Variants in RALGAPA2 observed in about 807,000 individuals in gnomAD.
The protein encoded by RALGAPA2 is Ral GTPase activating protein catalytic subunit alpha 2, also known as ral GTPase-activating protein subunit alpha-2.
In RALGAPA2, 139 loss-of-function variants were observed where a neutral mutation model predicts 230.4. The ratio of observed to expected loss-of-function variants is 0.60; its 90% confidence interval spans 0.53 to 0.69. RALGAPA2 has a LOEUF of 0.69. Ranked by LOEUF, RALGAPA2 falls within the 30% of genes least tolerant of loss-of-function variation. The pLI is 0.00. For synonymous variants in RALGAPA2, 847 were observed against 837.8 expected (o/e 1.01, Z -0.19); for missense variants, 2,163 against 2,276.0 (o/e 0.95, Z 1.01).
chr20:20,609,560 G>A (rs1414930886), intron 14 of RALGAPA2, among the ~76,000 whole-genome samples: 3 of 151,858 alleles, frequency 2.0e-5, no homozygotes, highest in Non-Finnish European at 2.9e-5. Flanking sequence ...AAAAAAATCC[G>A]AACCCCAGAA....
chr20:20,392,391 AG>A lies in RALGAPA2; in HGVS notation c.*897del, dbSNP rs1318182917. ...GCAGCGTGAGGCTTTTGGAGGCACA[AG>A]GCCATTCGGGGGGTACCCGTCTCAG... On this transcript the variant is annotated 3_prime_UTR_variant, in exon 40 of 40. Coordinates refer to ENST00000202677, the MANE Select transcript of RALGAPA2 (RefSeq NM_020343.4). 6.6e-6 allele frequency: 1 copy of A among 152,248 alleles called. No homozygotes were observed. Among genetic ancestry groups the A allele is most frequent in the East Asian group, 1.9e-4 (1 of 5,190 alleles). 9.4% of individuals were successfully genotyped at this position (152,248 alleles called of 1,614,324 possible).
At chr20:20,491,601 T>C (rs943445959) in intron 36 of RALGAPA2, among the ~76,000 whole-genome samples, 3 of 152,236 alleles carry the variant, frequency 2.0e-5, no homozygotes, top group African/African-American at 7.2e-5. Flanking sequence ...GAATCACTTT[T>C]CTGAAGAACA....
intron 37 of RALGAPA2, among the ~76,000 whole-genome samples, chr20:20,458,969 A>G (rs1186391680): frequency 6.6e-6 from 1 of 151,018 alleles, no homozygotes; most frequent in African/African-American, 2.4e-5. Flanking sequence ...TGTCAACAGG[A>G]ACCTTCATAG....
intron 16 of RALGAPA2, among the ~76,000 whole-genome samples, chr20:20,594,536 T>C (rs1299072114): frequency 6.6e-6 from 1 of 152,118 alleles, no homozygotes; most frequent in African/African-American, 2.4e-5. Flanking sequence ...CCTAGATCTA[T>C]TGCATTTTCT....
rs558003584 is a variant in RALGAPA2 at position 20,461,972 on chromosome 20, T to C, written c.5495+10857A>G. ...AGGCAGCCCCTTCATTGGTGTTGGA[T>C]TAAGGACCAAAGCTTTGTGCTGGAG... is the stretch of plus-strand genomic sequence containing the variant. On this transcript the variant is annotated intron_variant, in intron 37 of 39. Coordinates refer to ENST00000202677, the MANE Select transcript of RALGAPA2 (RefSeq NM_020343.4). 2.7e-5 allele frequency among the ~76,000 whole-genome samples: 4 copies of C among 150,448 alleles called. No individual in the cohort carries two copies. The South Asian group carries it at 8.4e-4, about 31-fold the overall frequency.
chr20:20,488,945 A>G (rs1285717219), intron 36 of RALGAPA2, among the ~76,000 whole-genome samples: 1 of 152,178 alleles, frequency 6.6e-6, no homozygotes, highest in Non-Finnish European at 1.5e-5. Flanking sequence ...GCTGGGCATT[A>G]ACCAAATCTG....
At chr20:20,576,910 T>A (rs1472270372) in intron 20 of RALGAPA2, among the ~76,000 whole-genome samples, 1 of 152,174 alleles carries the variant, frequency 6.6e-6, no homozygotes, top group African/African-American at 2.4e-5. Flanking sequence ...CAAAGAACAA[T>A]TTTTAGTTGT....
Position 20,390,851 on chromosome 20 carries a change from ACT to A in RALGAPA2, c.*2436_*2437del, listed in dbSNP as rs986820795. 6.6e-6 allele frequency: 1 copy of A among 151,328 alleles called. No individual in the cohort carries two copies. The highest frequency in any genetic ancestry group is 2.4e-5 in the African/African-American group (1 of 41,140). 9.4% of individuals were successfully genotyped at this position (151,328 alleles called of 1,614,324 possible). On this transcript the variant is annotated 3_prime_UTR_variant, in exon 40 of 40. Transcript: ENST00000202677. ...CTACTGAGAATGGCAGGCTCAAAAA[ACT>A]CTAGTCACCAAACTGCTGGCTGTCA...
chr20:20,511,371 C>G (rs2062700417), intron 32 of RALGAPA2, 46 bp from the exon 33 acceptor site: 1 of 1,517,622 alleles, frequency 6.6e-7, no homozygotes, highest in Non-Finnish European at 8.8e-7. Flanking sequence ...ATTACAGAAC[C>G]ATTTTGCCGC....
rs372892121 is a variant in RALGAPA2 at position 20,637,316 on chromosome 20, T to C, written c.805+47A>G. The C allele has an allele frequency of 1.6e-5, 23 of 1,449,132 alleles. No homozygotes were observed. In the East Asian group the frequency reaches 3.9e-4, roughly 25 times the overall value. 89.8% of individuals were successfully genotyped at this position (1,449,132 alleles called of 1,614,324 possible). A position where few individuals can be genotyped will look rare whatever the true frequency, so the allele number is the denominator to read the frequency against. On this transcript the variant is annotated intron_variant, in intron 8 of 39. Transcript: ENST00000202677. ...AAAGGTCACTTTGAAAGAGACTGCA[T>C]AGCTTTCCTTTGGATATCCTCTATA...
intron 7 of RALGAPA2, 33 bp from the exon 8 acceptor site, chr20:20,637,534 T>A: frequency 6.6e-7 from 1 of 1,506,208 alleles, no homozygotes; most frequent in South Asian, 1.3e-5. Context: ...AACATATGTA[T>A]ATTTATATTT....
At chr20:20,513,346 CT>C (rs141952738) in intron 31 of RALGAPA2, 62 bp from the exon 32 acceptor site, 201 of 912,112 alleles carry the variant, frequency 2.2e-4, no homozygotes, top group South Asian at 2.9e-4. Flanking sequence ...AACTCAACAC[CT>C]TTTTTTTGGG....
intron 9 of RALGAPA2, 31 bp downstream of exon 9, chr20:20,635,387 T>A: frequency 1.3e-6 from 2 of 1,541,740 alleles, no homozygotes; most frequent in Non-Finnish European, 1.8e-6. Context: ...TACACAAGCA[T>A]TAACAGATAA....
intron 23 of RALGAPA2, among the ~76,000 whole-genome samples, chr20:20,570,108 T>C (rs2064577484): frequency 6.6e-6 from 1 of 152,176 alleles, no homozygotes; most frequent in Non-Finnish European, 1.5e-5. Context: ...TACTTTGTGT[T>C]CCTATTTCTA....
chr20:20,421,213 A>G (rs1447668084), intron 37 of RALGAPA2, among the ~76,000 whole-genome samples: 1 of 152,246 alleles, frequency 6.6e-6, no homozygotes, highest in Non-Finnish European at 1.5e-5. Flanking sequence ...GATGCTCAAC[A>G]CCACAAGTCA....
chr20:20,628,607 T>C (rs1294784111), intron 10 of RALGAPA2, among the ~76,000 whole-genome samples: 1 of 152,194 alleles, frequency 6.6e-6, no homozygotes, highest in Non-Finnish European at 1.5e-5. Flanking sequence ...GGGGCCATTC[T>C]GGGCATTGCA....
intron 37 of RALGAPA2, among the ~76,000 whole-genome samples, chr20:20,448,468 G>T (rs182086530): frequency 6.6e-6 from 1 of 152,088 alleles, no homozygotes; most frequent in Non-Finnish European, 1.5e-5. Flanking sequence ...CTTTGAAGAG[G>T]TGCCAACAAA....
intron 24 of RALGAPA2, among the ~76,000 whole-genome samples, chr20:20,542,810 GA>G (rs557649765): frequency 1.3e-5 from 2 of 152,002 alleles, no homozygotes; most frequent in East Asian, 3.9e-4. Context: ...AAAAACCCTA[GA>G]AAAAAACCTA....
rs180941716 is a variant in RALGAPA2, at chr20:20,435,180, C to A, written c.5496-23032G>T. Among the ~76,000 whole-genome samples the A allele has an allele frequency of 8.3e-4, 127 of 152,340 alleles. 2 individuals carry two copies. Among genetic ancestry groups the A allele is most frequent in the Non-Finnish European group, 1.5e-4 (10 of 68,034 alleles). ...TTTCCTCAAGGAGGCCCTGCACAGC[C>A]ACCTGGGTGTTGATGCCAGATCCCC... On this transcript the variant is annotated intron_variant, in intron 37 of 39. Transcript: ENST00000202677.
Sources: gnomAD v4.1 joint callset for allele counts (sites outside exome capture counted in the v4.1 genomes callset) on GRCh38, gnomAD v4.1.1 for gene constraint, MANE v1.5 for transcripts, NCBI Gene and HGNC (gene_info 2026-07-23, HGNC 2026-07-21) for gene names.